The following DISP1 variants were observed in gnomAD, a reference collection of about 807,000 sequenced individuals.
DISP1 encodes protein dispatched homolog 1.
Under a neutral mutation model 37.3 loss-of-function variants are expected in DISP1, and 30 were observed. The ratio of observed to expected loss-of-function variants is 0.80; its 90% confidence interval spans 0.60 to 1.09. The LOEUF (loss-of-function observed/expected upper bound fraction) is 1.09. Ranked by LOEUF, DISP1 falls within the 50% of genes least tolerant of loss-of-function variation. The pLI is 0.00. For synonymous variants in DISP1, 634 were observed against 690.2 expected (o/e 0.92, Z 1.28); for missense variants, 1,598 against 1,879.5 (o/e 0.85, Z 2.77).
chr1:222,910,118 C>T (rs1672129389), intron 1 of DISP1, among the ~76,000 whole-genome samples: 1 of 152,136 alleles, frequency 6.6e-6, no homozygotes, highest in South Asian at 2.1e-4. Flanking sequence ...AATTCCAGCA[C>T]ATTGGGAGAC....
At chr1:222,940,999 T>G (rs1674340501) in intron 2 of DISP1, among the ~76,000 whole-genome samples, 1 of 152,240 alleles carries the variant, frequency 6.6e-6, no homozygotes, top group Non-Finnish European at 1.5e-5. Flanking sequence ...GTCCTTTATG[T>G]TTTGTTATTT....
chr1:222,824,288 T>C (rs560519493), intron 1 of DISP1, among the ~76,000 whole-genome samples: 2 of 152,332 alleles, frequency 1.3e-5, no homozygotes, highest in East Asian at 3.9e-4. Flanking sequence ...TGCCAGACAC[T>C]GCAGTGAGCA....
At position 223,004,002 on chromosome 1, in the gene DISP1, G is replaced by T. The variant is rs770730341; in HGVS notation, c.2605G>T (p.Ala869Ser). 1.9e-6 allele frequency: 3 copies of T among 1,614,026 alleles called. No individual in the cohort carries two copies. The highest frequency in any genetic ancestry group is 2.2e-5 in the South Asian group (2 of 91,076). The change falls in exon 9 of 9, where the codon GCC (alanine) becomes TCC (serine). Residue 869 changes from alanine (A) to serine (S), a missense_variant. Transcript: ENST00000675850. The surrounding 1 kb of genome is among the most constrained non-coding windows in gnomAD (Gnocchi z 4.9). ...GGAAAACCAGGACTGTGATGAGCCTGCCCTGTACCCATGCTGCAGCCACTG... is the reference window on the plus strand; with the variant it reads ...GGAAAACCAGGACTGTGATGAGCCTTCCCTGTACCCATGCTGCAGCCACTG... ...WMENQDCDEP[A>S]LYPCCSHWSF...
chr1:222,980,025 A>T (rs901623257), intron 3 of DISP1, among the ~76,000 whole-genome samples: 1 of 152,226 alleles, frequency 6.6e-6, no homozygotes, highest in Non-Finnish European at 1.5e-5. Context: ...TGAATTAGGC[A>T]TGGAAGAGAA....
rs61837497 is a variant in DISP1, at chr1:222,965,659, G to A, written c.510-17421G>A. On this transcript the variant is annotated intron_variant, in intron 3 of 8. Transcript: ENST00000675850. ...TCTGCCCTCTTTCACAATTAACAGAGCCTCTTCTTTCACCCTTTCATATGA... is the reference window on the plus strand; with the variant it reads ...TCTGCCCTCTTTCACAATTAACAGAACCTCTTCTTTCACCCTTTCATATGA... Among the ~76,000 whole-genome samples, 51 of 152,090 alleles carry A rather than the reference G, an allele frequency of 3.4e-4. No homozygotes were observed. In the South Asian group the frequency reaches 6.4e-3, roughly 19 times the overall value.
intron 3 of DISP1, among the ~76,000 whole-genome samples, chr1:222,964,163 G>A (rs1409465248): frequency 6.6e-6 from 1 of 152,030 alleles, no homozygotes; most frequent in Non-Finnish European, 1.5e-5. Flanking sequence ...GCCGGGCATG[G>A]TGGTGGGCAC....
intron 1 of DISP1, among the ~76,000 whole-genome samples, chr1:222,914,186 G>T (rs1007028449): frequency 6.6e-6 from 1 of 151,888 alleles, no homozygotes; most frequent in African/African-American, 2.4e-5. Flanking sequence ...AACTCCTTTA[G>T]GGAGACTTAT....
rs1468170069 is a variant in DISP1 at position 222,993,782 on chromosome 1, G to A, written c.890-1103G>A. On this transcript the variant is annotated intron_variant, in intron 7 of 8. Coordinates refer to ENST00000675850, the MANE Select transcript of DISP1 (RefSeq NM_001377229.1). ...CCAGGAAAAACATTACATTTCAATA[G>A]TCAACAGTAAATGCTGTCTCATAAG... is the stretch of plus-strand genomic sequence containing the variant. Among the ~76,000 whole-genome samples, 3 of 152,140 alleles carry A rather than the reference G, an allele frequency of 2.0e-5. No individual in the cohort carries two copies. In the East Asian group the frequency reaches 5.8e-4, roughly 29 times the overall value.
chr1:222,876,387 A>G (rs902625291), intron 1 of DISP1, among the ~76,000 whole-genome samples: 1 of 152,210 alleles, frequency 6.6e-6, no homozygotes, highest in African/African-American at 2.4e-5. Flanking sequence ...TGCATTTTCT[A>G]TGCACATATC....
rs556550100 is a variant in DISP1, at chr1:222,830,051, T to A, written c.-159+14973T>A. On this transcript the variant is annotated intron_variant, in intron 1 of 8. Coordinates refer to ENST00000675850, the MANE Select transcript of DISP1 (RefSeq NM_001377229.1). ...ATTGCTTGCTTTGTAAGTTGTGATG[T>A]TCAGTAATGACTAAGTACATTCATT... Among the ~76,000 whole-genome samples the A allele has an allele frequency of 3.9e-5, 6 of 152,284 alleles. 1 individual carries two copies. In the South Asian group the frequency reaches 1.2e-3, roughly 32 times the overall value.
chr1:222,824,777 G>A (rs1572159320), intron 1 of DISP1, among the ~76,000 whole-genome samples: 1 of 152,104 alleles, frequency 6.6e-6, no homozygotes, highest in East Asian at 1.9e-4. Flanking sequence ...CATTTCTGTT[G>A]GAATGTGAGG....
chr1:222,818,948 G>A (rs1457287352), intron 1 of DISP1, among the ~76,000 whole-genome samples: 1 of 152,156 alleles, frequency 6.6e-6, no homozygotes, highest in Non-Finnish European at 1.5e-5. Context: ...TAGTCAATAG[G>A]AGAATATTGA....
At chr1:222,902,043 CTCTTT>C (rs1213528357) in intron 1 of DISP1, among the ~76,000 whole-genome samples, 4 of 152,038 alleles carry the variant, frequency 2.6e-5, no homozygotes, top group Non-Finnish European at 5.9e-5. Context: ...TGATTCTTCT[CTCTTT>C]TCTTCTTTAT....
At chr1:222,943,929 T>G (rs1264241498) in intron 3 of DISP1, among the ~76,000 whole-genome samples, 1 of 151,682 alleles carries the variant, frequency 6.6e-6, no homozygotes, top group East Asian at 1.9e-4. Context: ...ACTCAGGAGG[T>G]TGAGGCAGGA....
intron 2 of DISP1, among the ~76,000 whole-genome samples, chr1:222,939,355 ATTTTT>A (rs35313341): frequency 0.18 from 20,162 of 112,876 alleles, 1,703 homozygotes; most frequent in Non-Finnish European, 0.2. Context: ...AAGAAAAATA[ATTTTT>A]TTTTTTTTTT....
chr1:222,984,184 T>A (rs1045207391), intron 4 of DISP1, among the ~76,000 whole-genome samples: 1 of 151,894 alleles, frequency 6.6e-6, no homozygotes, highest in Non-Finnish European at 1.5e-5. Context: ...GGCAGGCGGA[T>A]CACTTGAGGT....
At chr1:222,984,421 A>T (rs199839657) in intron 4 of DISP1, among the ~76,000 whole-genome samples, 53,301 of 105,236 alleles carry the variant, frequency 0.51, 13,796 homozygotes, top group East Asian at 0.75. Context: ...AAAAAAAAAA[A>T]ATATATATAT....
intron 1 of DISP1, among the ~76,000 whole-genome samples, chr1:222,909,142 CTT>C (rs1482228534): frequency 2.0e-5 from 3 of 151,936 alleles, no homozygotes; most frequent in Non-Finnish European, 2.9e-5. Context: ...CGAATTATAT[CTT>C]GAATTGTATT....
In DISP1 at chr1:222,815,044, G is replaced by C. The variant is rs1430603956; in HGVS notation, c.-193G>C. ...CGCGGACCGCGCCAGGCGGAAGCCC[G>C]GCTCCGGGCCAGCATCCGAGAGCCC... On this transcript the variant is annotated 5_prime_UTR_variant, in exon 1 of 9. Coordinates refer to ENST00000675850, the MANE Select transcript of DISP1 (RefSeq NM_001377229.1). 1.3e-5 allele frequency: 2 copies of C among 152,250 alleles called. No homozygotes were observed. Among genetic ancestry groups the C allele is most frequent in the African/African-American group, 4.8e-5 (2 of 41,454 alleles). 9.4% of individuals were successfully genotyped at this position (152,250 alleles called of 1,614,324 possible).
Sources: gnomAD v4.1 joint callset for allele counts (sites outside exome capture counted in the v4.1 genomes callset) on GRCh38, gnomAD v4.1.1 for gene constraint, Gnocchi (gnomAD v3.1) non-coding constraint, MANE v1.5 for transcripts, NCBI Gene and HGNC (gene_info 2026-07-23, HGNC 2026-07-21) for gene names.